ZNF804B: variants seen among roughly 807,000 people sequenced by gnomAD.
The protein encoded by ZNF804B is zinc finger 804B.
Under a neutral mutation model 101.4 loss-of-function variants are expected in ZNF804B, and 80 were observed. That is an observed-to-expected ratio of 0.79 (90% CI 0.66 to 0.95). The LOEUF (loss-of-function observed/expected upper bound fraction) is 0.95, where lower values mean the gene tolerates loss of function less well. Ranked by LOEUF, ZNF804B falls within the 40% of genes least tolerant of loss-of-function variation. The probability of loss-of-function intolerance (pLI) is 0.00; values close to 1 mark genes in which losing one functional copy is unlikely to be tolerated. For synonymous variants in ZNF804B, 622 were observed against 558.8 expected, an observed-to-expected ratio of 1.11 and a Z score of -1.59; for missense variants, 1,673 against 1,561.9, an observed-to-expected ratio of 1.07 and a Z score of -1.20.
At chr7:89,216,817 C>T (rs1040552277) in intron 1 of ZNF804B, among the ~76,000 whole-genome samples, 1 of 152,068 alleles carries the variant, frequency 6.6e-6, no homozygotes, top group African/African-American at 2.4e-5. Flanking sequence ...CACTTATGAC[C>T]CGATTTCTTT....
At chr7:88,771,178 C>T (rs1175306620) in intron 1 of ZNF804B, among the ~76,000 whole-genome samples, 1 of 151,930 alleles carries the variant, frequency 6.6e-6, no homozygotes, top group Non-Finnish European at 1.5e-5. Context: ...TTAAGGCTTT[C>T]TCTTTTGGTT....
chr7:89,293,253 G>T (rs1049909970), intron 2 of ZNF804B, among the ~76,000 whole-genome samples: 5 of 151,936 alleles, frequency 3.3e-5, no homozygotes, highest in African/African-American at 1.2e-4. Flanking sequence ...TTATTAATAA[G>T]TATGGTCAAA....
At chr7:89,211,750 TGTA>T (rs1188316111) in intron 1 of ZNF804B, among the ~76,000 whole-genome samples, 1 of 152,184 alleles carries the variant, frequency 6.6e-6, no homozygotes, top group Non-Finnish European at 1.5e-5. Context: ...ACTGTAGCCT[TGTA>T]GTATACTTTG....
chr7:89,181,007 G>C (rs1346234333), intron 1 of ZNF804B, among the ~76,000 whole-genome samples: 1 of 151,280 alleles, frequency 6.6e-6, no homozygotes, highest in African/African-American at 2.4e-5. Flanking sequence ...GTCTGAAATG[G>C]GGGCCTTAAA....
At chr7:88,936,322 C>A (rs955496907) in intron 1 of ZNF804B, among the ~76,000 whole-genome samples, 1 of 152,026 alleles carries the variant, frequency 6.6e-6, no homozygotes, top group Admixed American at 6.6e-5. Context: ...AACTTTCCCT[C>A]TGAGGTTTCA....
At chr7:89,133,939 A>T (rs914222858) in intron 1 of ZNF804B, among the ~76,000 whole-genome samples, 28 of 152,158 alleles carry the variant, frequency 1.8e-4, no homozygotes, top group African/African-American at 6.7e-4. Context: ...TGCAGAAAGC[A>T]TTTTCTCCAA....
chr7:89,157,773 AAGAC>A (rs1790998257), intron 1 of ZNF804B, among the ~76,000 whole-genome samples: 1 of 152,160 alleles, frequency 6.6e-6, no homozygotes, highest in Non-Finnish European at 1.5e-5. Flanking sequence ...GAGAAGGTAA[AAGAC>A]AGGTCAGGTG....
chr7:88,905,593 A>G (rs1174325057), intron 1 of ZNF804B, among the ~76,000 whole-genome samples: 1 of 152,112 alleles, frequency 6.6e-6, no homozygotes, highest in African/African-American at 2.4e-5. Flanking sequence ...TGCTGACCTC[A>G]GGTGATCTCT....
intron 2 of ZNF804B, 127 bp downstream of exon 2, chr7:89,218,422 C>T (rs914195978): frequency 1.7e-6 from 2 of 1,154,654 alleles, no homozygotes; most frequent in Middle Eastern, 2.6e-4. Context: ...TCTTTTTTCC[C>T]CCCTGGAAAG....
At chr7:89,285,633 G>A (rs945680581) in intron 2 of ZNF804B, among the ~76,000 whole-genome samples, 4 of 136,104 alleles carry the variant, frequency 2.9e-5, no homozygotes, top group East Asian at 2.0e-4. Flanking sequence ...TTTTAATTCA[G>A]ACAAAAGTGC....
chr7:88,778,055 A>G (rs1790171499), intron 1 of ZNF804B, among the ~76,000 whole-genome samples: 1 of 152,088 alleles, frequency 6.6e-6, no homozygotes, highest in African/African-American at 2.4e-5. Context: ...AAAATAACAT[A>G]AGTTTATTAT....
chr7:88,888,633 T>A (rs1220233628), intron 1 of ZNF804B, among the ~76,000 whole-genome samples: 1 of 152,180 alleles, frequency 6.6e-6, no homozygotes, highest in Non-Finnish European at 1.5e-5. Flanking sequence ...GAAAAATTGA[T>A]ATTTTTATTA....
intron 1 of ZNF804B, among the ~76,000 whole-genome samples, chr7:89,214,855 G>C (rs1788865486): frequency 6.6e-6 from 1 of 152,182 alleles, no homozygotes. Context: ...ATAAACAGTT[G>C]AATGAATGGA....
intron 1 of ZNF804B, among the ~76,000 whole-genome samples, chr7:88,923,254 G>C (rs1054473403): frequency 6.6e-6 from 1 of 151,968 alleles, no homozygotes; most frequent in African/African-American, 2.4e-5. Flanking sequence ...CGTTGCTTTG[G>C]GGGTATCTGC....
intron 1 of ZNF804B, among the ~76,000 whole-genome samples, chr7:88,937,511 A>T (rs1019496166): frequency 2.6e-5 from 4 of 152,094 alleles, no homozygotes; most frequent in African/African-American, 9.6e-5. Context: ...GCTTCCCTAT[A>T]AATGAATGAA....
chr7:89,320,518 T>C (rs1790803169), intron 2 of ZNF804B, among the ~76,000 whole-genome samples: 1 of 152,090 alleles, frequency 6.6e-6, no homozygotes, highest in African/African-American at 2.4e-5. Flanking sequence ...ATGGAGCACT[T>C]GTGATATTTA....
chr7:88,869,472 T>C (rs1002647040), intron 1 of ZNF804B, among the ~76,000 whole-genome samples: 1 of 152,208 alleles, frequency 6.6e-6, no homozygotes, highest in Non-Finnish European at 1.5e-5. Flanking sequence ...CTGCTTACTT[T>C]CTCTTCCTTC....
chr7:89,180,625 C>G (rs142737617), intron 1 of ZNF804B, among the ~76,000 whole-genome samples: 3 of 151,992 alleles, frequency 2.0e-5, no homozygotes, highest in Non-Finnish European at 4.4e-5. Flanking sequence ...TTTACTGTAG[C>G]TAAGCTGTTA....
At chr7:89,117,089 A>G (rs1003928999) in intron 1 of ZNF804B, among the ~76,000 whole-genome samples, 9 of 152,180 alleles carry the variant, frequency 5.9e-5, no homozygotes, top group Admixed American at 5.2e-4. Context: ...GTGCCAGATG[A>G]TAAACCAAAG....
Sources: allele counts gnomAD v4.1 joint callset (sites outside exome capture counted in the v4.1 genomes callset), GRCh38; gene constraint gnomAD v4.1.1; transcripts MANE v1.5; gene names NCBI Gene and HGNC (gene_info 2026-07-23, HGNC 2026-07-21).